Variants in PCID2 observed in about 807,000 individuals in gnomAD.
The protein encoded by PCID2 is PCI domain containing 2.
PCID2 carries 41 observed loss-of-function variants against 61.3 expected under a neutral mutation model. The observed-to-expected ratio is 0.67, with a 90% CI of 0.52 to 0.87. The LOEUF (loss-of-function observed/expected upper bound fraction) is 0.87. PCID2 is among the 40% of genes least tolerant of loss of function. PCID2 has a pLI of 0.00. For synonymous variants in PCID2, 187 were observed against 177.8 expected, an observed-to-expected ratio of 1.05 and a Z score of -0.41; for missense variants, 392 against 493.4, an observed-to-expected ratio of 0.79 and a Z score of 1.95.
At chr13:113,196,263 A>C in intron 4 of PCID2, 41 bp from the exon 5 acceptor site, 1 of 1,433,834 alleles carries the variant, frequency 7.0e-7, no homozygotes, top group Non-Finnish European at 9.7e-7. Flanking sequence ...AGTTCAAATA[A>C]TGCTACGTAC....
the PCID2 span, chr13:113,166,131 T>G: frequency 6.6e-6 from 1 of 152,262 alleles, no homozygotes; most frequent in Non-Finnish European, 1.5e-5. Flanking sequence ...CCTGAGTATA[T>G]CCTTCAGAAC....
chr13:113,201,298 C>T (rs1424568471), intron 1 of PCID2, among the ~76,000 whole-genome samples: 1 of 151,912 alleles, frequency 6.6e-6, no homozygotes. Context: ...AAGTTAACTG[C>T]AGGAAAACTG....
In PCID2 at chr13:113,198,234, C is replaced by G; in HGVS notation, c.157G>C (p.Val53Leu). The G allele has an allele frequency of 6.2e-7, 1 of 1,609,102 alleles. No individual in the cohort carries two copies. The highest frequency in any genetic ancestry group is 8.5e-7 in the Non-Finnish European group (1 of 1,177,914). The change falls in exon 3 of 14, where the codon GTC becomes CTC. Residue 53 changes from valine (V) to leucine (L), a missense_variant. Physicochemically the swap from Val to Leu is conservative, Grantham distance 32 (BLOSUM62 1). Coordinates refer to ENST00000337344, the MANE Select transcript of PCID2 (RefSeq NM_001127202.4). ...MASPEEKCQQ[V>L]LEPPYDEMFA... ...ATTTCATCATAAGGGGGTTCCAAGA[C>G]TTGTTGACACTTCTCCTCTGGAGAG...
rs577306737 is a variant in PCID2, at chr13:113,198,577, C to T, written c.127-313G>A. ...AAAATTAGCTGGATGTGGTGGTACA[C>T]GCTGGTAATCCCAGCTACTCAGGAG... On this transcript the variant is annotated intron_variant, in intron 2 of 13. Coordinates refer to ENST00000337344, the MANE Select transcript of PCID2 (RefSeq NM_001127202.4). Among the ~76,000 whole-genome samples, 4 of 152,238 alleles carry T rather than the reference C, an allele frequency of 2.6e-5. No individual in the cohort carries two copies. In the East Asian group the frequency reaches 5.8e-4, roughly 22 times the overall value.
Position 113,200,453 on chromosome 13 carries a change from G to A in PCID2, c.100C>T (p.Pro34Ser), listed in dbSNP as rs1373207110. The A allele has an allele frequency of 1.2e-6, 2 of 1,612,422 alleles. No individual in the cohort carries two copies. The highest frequency in any genetic ancestry group is 1.7e-6 in the Non-Finnish European group (2 of 1,178,448). Residue 34 changes from proline (P) to serine (S), a missense_variant, in exon 2 of 14, where the codon CCT (proline) becomes TCT (serine). By Grantham distance (74) the Pro-to-Ser change is moderately conservative (BLOSUM62 -1). Transcript: ENST00000337344. ...SCAELVSFKH[P>S]HVANPRLQMA... is the part of the protein sequence containing the mutation. ...TGAAGTCGTGGGTTTGCAACATGAG[G>A]ATGTTTAAAAGACACCAACTCTGCA...
At chr13:113,171,026 G>A in the PCID2 span, among the ~76,000 whole-genome samples, 2 of 151,866 alleles carry the variant, frequency 1.3e-5, no homozygotes, top group Non-Finnish European at 1.5e-5. This position sits in a 1 kb window ranked among gnomAD's most constrained non-coding sequence, Gnocchi z 5.1. Flanking sequence ...GGGTTCAAGC[G>A]ATTCTCATGC....
chr13:113,195,192 G>T, intron 5 of PCID2, 67 bp from the exon 6 acceptor site: 2 of 927,920 alleles, frequency 2.2e-6, no homozygotes, highest in Non-Finnish European at 3.6e-6. Context: ...CCAGAGGTGG[G>T]AAGAACACGG....
At chr13:113,185,112 C>A (rs574665933) in intron 8 of PCID2, among the ~76,000 whole-genome samples, 3 of 152,250 alleles carry the variant, frequency 2.0e-5, no homozygotes, top group Non-Finnish European at 4.4e-5. Context: ...ATCTATCCAT[C>A]TACGTGCCTG....
Position 113,197,105 on chromosome 13 carries a change from C to T in PCID2, c.266+73G>A, listed in dbSNP as rs182780210. 9.9e-6 allele frequency: 16 copies of T among 1,614,172 alleles called. No individual in the cohort carries two copies. The East Asian group carries it at 3.6e-4, about 36-fold the overall frequency. On this transcript the variant is annotated intron_variant, in intron 4 of 13. Coordinates refer to ENST00000337344, the MANE Select transcript of PCID2 (RefSeq NM_001127202.4). ...GAAATGAGCAACTGGCCCAGTGTTTCCGGGTCTCAAGTCCCAAGTAATCCA... is the reference window on the plus strand; with the variant it reads ...GAAATGAGCAACTGGCCCAGTGTTTTCGGGTCTCAAGTCCCAAGTAATCCA...
At chr13:113,175,579 A>G (rs1186208187), downstream of PCID2, among the ~76,000 whole-genome samples, 1 of 152,194 alleles carries the variant, frequency 6.6e-6, no homozygotes, top group African/African-American at 2.4e-5. Context: ...GGTAGCTAGA[A>G]AACAGATGCG....
the PCID2 span, among the ~76,000 whole-genome samples, chr13:113,169,131 G>T: frequency 6.6e-6 from 1 of 152,014 alleles, no homozygotes; most frequent in African/African-American, 2.4e-5. Flanking sequence ...CTCAGAGATG[G>T]TCTGTTCATT....
chr13:113,179,824 G>C lies in PCID2; in HGVS notation c.986+93C>G, dbSNP rs1256916981. On this transcript the variant is annotated intron_variant, in intron 12 of 13. Coordinates refer to ENST00000337344, the MANE Select transcript of PCID2 (RefSeq NM_001127202.4). This position sits in a 1 kb window ranked among gnomAD's most constrained non-coding sequence, Gnocchi z 4.3. ...GGAAGATAACGACCCCACCCACACG[G>C]TGGCCTTCTCTCTTAGACTGCAACA... The C allele has an allele frequency of 4.7e-6, 6 of 1,278,210 alleles. No individual in the cohort carries two copies. In the African/African-American group the frequency reaches 9.0e-5, roughly 19 times the overall value. The allele number at this position is 1,278,210 out of a possible 1,614,324, so 79.2% of individuals were successfully genotyped here. A position where few individuals can be genotyped will look rare whatever the true frequency, so the allele number is the denominator to read the frequency against.
At position 113,196,199 on chromosome 13, in the gene PCID2, G is replaced by A; in HGVS notation, c.290C>T (p.Ala97Val). The A allele has an allele frequency of 6.2e-7, 1 of 1,603,152 alleles. No individual in the cohort carries two copies. The highest frequency in any genetic ancestry group is 2.2e-5 in the East Asian group (1 of 44,774). Residue 97 changes from alanine to valine, a missense_variant, in exon 5 of 14, where the codon GCC becomes GTC. By Grantham distance (64) the Ala-to-Val change is moderately conservative. Around this residue, in one of 3 missense-constraint regions of PCID2, gnomAD observed 155 missense variants for 164.9 expected, o/e 0.94. Coordinates refer to ENST00000337344, the MANE Select transcript of PCID2 (RefSeq NM_001127202.4). Reference protein sequence around the residue: ...IVQSFLRAFQAHKEENWALPV... With the variant: ...IVQSFLRAFQVHKEENWALPV... ...CACTTACCAGTTTTCTTCTTTGTGG[G>A]CCTGGAATGCTCGCAAGAATGATGT...
intron 3 of PCID2, 32 bp downstream of exon 3, chr13:113,198,157 ATG>A (rs779437866): frequency 5.9e-6 from 8 of 1,356,422 alleles, no homozygotes; most frequent in South Asian, 2.6e-5. Context: ...CAATTTCCAG[ATG>A]TGTGTGTTTT....
chr13:113,169,664 G>C, the PCID2 span, among the ~76,000 whole-genome samples: 1 of 152,372 alleles, frequency 6.6e-6, no homozygotes, highest in Middle Eastern at 3.4e-3. Flanking sequence ...GACTACTGAA[G>C]TGAAACCCTT....
At chr13:113,182,045 G>A (rs1244020606) in intron 9 of PCID2, among the ~76,000 whole-genome samples, 1 of 152,178 alleles carries the variant, frequency 6.6e-6, no homozygotes, top group Admixed American at 6.5e-5. Context: ...CAAGAATTAG[G>A]AAAGTGAGAT....
downstream of PCID2, among the ~76,000 whole-genome samples, chr13:113,174,485 G>C (rs1258169300): frequency 6.6e-6 from 1 of 152,168 alleles, no homozygotes; most frequent in Non-Finnish European, 1.5e-5. Flanking sequence ...AGGGAAGCTA[G>C]CTATGATGAC....
chr13:113,170,299 C>T, the PCID2 span: 16 of 508,774 alleles, frequency 3.1e-5, no homozygotes, highest in Admixed American at 1.9e-4. Flanking sequence ...CTGCCTTTGG[C>T]GGGGGGTGGG....
At chr13:113,172,098 T>C in the PCID2 span, 1 of 1,612,540 alleles carries the variant, frequency 6.2e-7, no homozygotes, top group Non-Finnish European at 8.5e-7. Flanking sequence ...AAACAGATCA[T>C]GAACTAACTG....
Sources: gnomAD v4.1 joint callset for allele counts (sites outside exome capture counted in the v4.1 genomes callset) on GRCh38, gnomAD v4.1.1 for gene constraint, gnomAD v4.1.1 regional missense constraint, Gnocchi (gnomAD v3.1) non-coding constraint, MANE v1.5 for transcripts, NCBI Gene and HGNC (gene_info 2026-07-23, HGNC 2026-07-21) for gene names.